The following HERC2 variants were observed in gnomAD, a reference collection of about 807,000 sequenced individuals.
HERC2 encodes E3 ubiquitin-protein ligase HERC2.
HERC2 carries 102 observed loss-of-function variants against 537.7 expected under a neutral mutation model. The ratio of observed to expected loss-of-function variants is 0.19; its 90% confidence interval spans 0.16 to 0.22. HERC2 has a LOEUF of 0.22. Among genes scored for constraint, HERC2 ranks in the 10% least tolerant of loss-of-function variants. The probability of loss-of-function intolerance (pLI) is 1.00; values close to 1 mark genes in which losing one functional copy is unlikely to be tolerated. For synonymous variants in HERC2, 2,224 were observed against 2,466.2 expected (o/e 0.90, Z 2.91); for missense variants, 4,236 against 6,198.2 (o/e 0.68, Z 10.63).
intron 69 of HERC2, among the ~76,000 whole-genome samples, chr15:28,159,175 T>G (rs1893318511): frequency 1.3e-5 from 2 of 152,214 alleles, no homozygotes; most frequent in African/African-American, 4.8e-5. Flanking sequence ...TAACATTTTT[T>G]CCTTCATTTC....
chr15:28,175,570 T>G lies in HERC2; in HGVS notation c.9773A>C (p.Lys3258Thr). ...GGCCCCGACAGCCACATGCACGATC[T>G]TCTTCCCTCTCAGCCCTTCCACCAC... ...PQVVEGLRGKKIVHVAVGALH... is the reference protein window; with the variant it reads ...PQVVEGLRGKTIVHVAVGALH... The change falls in exon 64 of 93, where the codon AAG becomes ACG. Residue 3258 changes from lysine to threonine, a missense_variant. Transcript: ENST00000261609. 6.2e-7 allele frequency: 1 copy of G among 1,614,140 alleles called. No homozygotes were observed. Among genetic ancestry groups the G allele is most frequent in the Non-Finnish European group, 8.5e-7 (1 of 1,180,002 alleles).
chr15:28,269,129 C>G, intron 11 of HERC2, 119 bp downstream of exon 11: 3 of 736,620 alleles, frequency 4.1e-6, no homozygotes, highest in Non-Finnish European at 4.3e-6. Context: ...ATACAATAAA[C>G]AGAACTTTGT....
Position 28,175,619 on chromosome 15 carries a change from C to G in HERC2, c.9724G>C (p.Asp3242His), listed in dbSNP as rs1394549423. 1 of 1,614,150 alleles carries G rather than the reference C, an allele frequency of 6.2e-7. No individual in the cohort carries two copies. Among genetic ancestry groups the G allele is most frequent in the Admixed American group, 1.7e-5 (1 of 60,010 alleles). ...GDYFRLGHGS[D>H]VHVRKPQVVE... is the part of the protein sequence containing the mutation. ...ACCTGTGGTTTCCGCACGTGCACGTCAGAGCCGTGGCCCAATCTGAAGTAA... is the reference window on the plus strand; with the variant it reads ...ACCTGTGGTTTCCGCACGTGCACGTGAGAGCCGTGGCCCAATCTGAAGTAA... The change falls in exon 64 of 93, where the codon GAC becomes CAC. Residue 3242 changes from aspartate (D) to histidine (H), a missense_variant. By Grantham distance (81) the Asp-to-His change is moderately conservative (BLOSUM62 -1). Around this residue, in one of 27 missense-constraint regions of HERC2, gnomAD observed 93 missense variants for 265.1 expected, o/e 0.35. Transcript: ENST00000261609.
rs752231296 is a variant in HERC2 at position 28,198,725 on chromosome 15, G to A, written c.7761C>T (p.Cys2587=). ...VRCCRAYEEV[C]EGDVGKVIKL... ...TGATGACTTTGCCAACATCACCTTC[G>A]CACACTTCTTCATACGCTCGGCAGC... is the stretch of plus-strand genomic sequence containing the variant. The change falls in exon 49 of 93, where the codon TGC becomes TGT. Residue 2587 remains cysteine (C), a synonymous_variant. Transcript: ENST00000261609. 3.6e-5 allele frequency: 58 copies of A among 1,613,800 alleles called. No homozygotes were observed. The highest frequency in any genetic ancestry group is 4.7e-5 in the Non-Finnish European group (56 of 1,179,962).
At chr15:28,203,253 GTCC>G (rs1286043093) in intron 45 of HERC2, 6 of 131,746 alleles carry the variant, frequency 4.6e-5, no homozygotes, top group Non-Finnish European at 7.9e-5. Flanking sequence ...TAACTCCCTG[GTCC>G]TCCTCCCCAG....
intron 45 of HERC2, among the ~76,000 whole-genome samples, chr15:28,204,935 A>G (rs1898257708): frequency 6.6e-6 from 1 of 152,198 alleles, no homozygotes; most frequent in African/African-American, 2.4e-5. Flanking sequence ...GCAGGGGGAA[A>G]AAACAATAGT....
chr15:28,140,995 TGGAA>T (rs1891166372), intron 78 of HERC2, among the ~76,000 whole-genome samples: 1 of 151,420 alleles, frequency 6.6e-6, no homozygotes, highest in African/African-American at 2.4e-5. Flanking sequence ...CCCAGCACTT[TGGAA>T]GGCCGAGGTG....
chr15:28,168,334 A>G (rs564883879), intron 67 of HERC2, 73 bp downstream of exon 67: 58 of 1,448,726 alleles, frequency 4.0e-5, no homozygotes, highest in Admixed American at 3.4e-4. Context: ...TAAATGACAC[A>G]ATGAGACTTT....
At position 28,154,889 on chromosome 15, in the gene HERC2, A is replaced by G. The variant is rs373465646; in HGVS notation, c.10747-2059T>C. ...CATTAACTCATCATTTACATTAGGT[A>G]TATCTCCTAATGCTATCCCTCCCCC... On this transcript the variant is annotated intron_variant, in intron 69 of 92. Transcript: ENST00000261609. Among the ~76,000 whole-genome samples, 52 of 148,510 alleles carry G rather than the reference A, an allele frequency of 3.5e-4. 1 individual carries two copies. In the East Asian group the frequency reaches 4.9e-3, roughly 14 times the overall value.
intron 69 of HERC2, among the ~76,000 whole-genome samples, chr15:28,160,838 G>A (rs1229428577): frequency 6.6e-6 from 1 of 152,224 alleles, no homozygotes; most frequent in East Asian, 1.9e-4. Flanking sequence ...ACTGGGAGCT[G>A]TAGACTGGAG....
rs763969543 is a variant in HERC2, at chr15:28,114,815, AAAAG to A, written c.13723-17_13723-14del. On this transcript the variant is annotated splice_polypyrimidine_tract_variant and intron_variant, in intron 89 of 92. Transcript: ENST00000261609. Reference sequence around the variant, plus strand: ...AATCCTTATCAACCTTTTAAGGAGAAAAAGAAAGCCCATGTGTCGACTCACGGCT... The same window carrying A: ...AATCCTTATCAACCTTTTAAGGAGAAAAAGCCCATGTGTCGACTCACGGCT... 15 of 1,611,828 alleles carry A rather than the reference AAAAG, an allele frequency of 9.3e-6. No individual in the cohort carries two copies. The highest frequency in any genetic ancestry group is 1.3e-5 in the Non-Finnish European group (15 of 1,178,238).
chr15:28,158,348 C>A (rs1483123134), intron 69 of HERC2, among the ~76,000 whole-genome samples: 3 of 152,046 alleles, frequency 2.0e-5, no homozygotes, highest in Non-Finnish European at 2.9e-5. Context: ...TTAAAGTCTC[C>A]CATTATTATT....
intron 89 of HERC2, 33 bp from the exon 90 acceptor site, chr15:28,114,835 A>C: frequency 6.3e-7 from 1 of 1,587,038 alleles, no homozygotes; most frequent in South Asian, 1.1e-5. Context: ...CCATGTGTCG[A>C]CTCACGGCTC....
rs755832492 is a variant in HERC2, at chr15:28,214,083, G to A, written c.6548C>T (p.Ser2183Phe). ...SITHSFVGRPSEGAQLEDYFP... is the reference protein window; with the variant it reads ...SITHSFVGRPFEGAQLEDYFP... ...CTGAGAACACAAACCCACCCCTTCG[G>A]AAGGCCTTCCCACAAAGCTGTGGGT... The change falls in exon 41 of 93, where the codon TCC (serine) becomes TTC (phenylalanine). Residue 2183 changes from serine to phenylalanine, a missense_variant. Around this residue, in one of 27 missense-constraint regions of HERC2, gnomAD observed 365 missense variants for 468.8 expected, o/e 0.78. Coordinates refer to ENST00000261609, the MANE Select transcript of HERC2 (RefSeq NM_004667.6). 9.3e-6 allele frequency: 15 copies of A among 1,614,156 alleles called. No individual in the cohort carries two copies. The highest frequency in any genetic ancestry group is 1.0e-5 in the Non-Finnish European group (12 of 1,179,990).
At chr15:28,300,391 AAT>A (rs1199110500) in intron 2 of HERC2, among the ~76,000 whole-genome samples, 2 of 149,582 alleles carry the variant, frequency 1.3e-5, no homozygotes, top group Admixed American at 1.3e-4. Context: ...TCATTAATAT[AAT>A]ATACTATAAT....
intron 68 of HERC2, among the ~76,000 whole-genome samples, chr15:28,164,771 G>A (rs1280298896): frequency 6.6e-6 from 1 of 152,164 alleles, no homozygotes; most frequent in East Asian, 1.9e-4. Flanking sequence ...AAATTGGGGG[G>A]AAATAAATCA....
intron 2 of HERC2, among the ~76,000 whole-genome samples, chr15:28,314,943 C>T (rs1257604822): frequency 6.6e-6 from 1 of 152,110 alleles, no homozygotes; most frequent in African/African-American, 2.4e-5. Flanking sequence ...CCATACACAT[C>T]TGGCAGCTTC....
chr15:28,288,764 C>T (rs1283835462), intron 4 of HERC2, among the ~76,000 whole-genome samples: 2 of 150,582 alleles, frequency 1.3e-5, no homozygotes, highest in Non-Finnish European at 3.0e-5. Context: ...AGGAGACTCG[C>T]TTGAACCCAC....
rs74517019 is a variant in HERC2 at position 28,113,710 on chromosome 15, C to G, written c.13914-32G>C. 94 of 1,554,918 alleles carry G rather than the reference C, an allele frequency of 6.0e-5. No homozygotes were observed. The African/African-American group carries it at 1.2e-3, about 19-fold the overall frequency. ...GAAAAAGCTCACTTTACACTTCTGT[C>G]TTCAGTGACACTGACTTTATGCTGC... is the stretch of plus-strand genomic sequence containing the variant. On this transcript the variant is annotated intron_variant, in intron 90 of 92. Transcript: ENST00000261609. This position sits in a 1 kb window ranked among gnomAD's most constrained non-coding sequence, Gnocchi z 7.0.
Sources: gnomAD v4.1 joint callset for allele counts (sites outside exome capture counted in the v4.1 genomes callset) on GRCh38, gnomAD v4.1.1 for gene constraint, gnomAD v4.1.1 regional missense constraint, Gnocchi (gnomAD v3.1) non-coding constraint, MANE v1.5 for transcripts, NCBI Gene and HGNC (gene_info 2026-07-23, HGNC 2026-07-21) for gene names.